The following PCDH15 variants were observed in gnomAD, a reference collection of about 807,000 sequenced individuals.
PCDH15 encodes the protein protocadherin-15.
PCDH15 carries 129 observed loss-of-function variants against 178.5 expected under a neutral mutation model. The observed-to-expected ratio is 0.72, with a 90% CI of 0.63 to 0.84. The LOEUF (loss-of-function observed/expected upper bound fraction) is 0.84, where lower values mean the gene tolerates loss of function less well. Among genes scored for constraint, PCDH15 ranks in the 40% least tolerant of loss-of-function variants. The pLI is 0.00. For synonymous variants in PCDH15, 800 were observed against 732.0 expected, an observed-to-expected ratio of 1.09 and a Z score of -1.50; for missense variants, 2,230 against 2,099.9, an observed-to-expected ratio of 1.06 and a Z score of -1.21.
At chr10:54,081,357 A>G (rs989719356) in intron 16 of PCDH15, among the ~76,000 whole-genome samples, 1 of 151,864 alleles carries the variant, frequency 6.6e-6, no homozygotes, top group African/African-American at 2.4e-5. Flanking sequence ...ATATAATACT[A>G]TATGTATTAT....
intron 25 of PCDH15, among the ~76,000 whole-genome samples, chr10:53,919,537 G>T (rs1410175174): frequency 1.3e-5 from 2 of 152,030 alleles, no homozygotes; most frequent in Admixed American, 6.6e-5. Flanking sequence ...ATTATTGATT[G>T]TCCACATTTT....
intron 20 of PCDH15, among the ~76,000 whole-genome samples, chr10:53,997,916 G>C (rs2091932333): frequency 6.6e-6 from 1 of 152,106 alleles, no homozygotes; most frequent in East Asian, 1.9e-4. Flanking sequence ...TTTCATTGTG[G>C]TTACAAAAGC....
chr10:55,617,654 A>G (rs1843506244), intron 2 of PCDH15, among the ~76,000 whole-genome samples: 1 of 152,054 alleles, frequency 6.6e-6, no homozygotes, highest in Non-Finnish European at 1.5e-5. Flanking sequence ...ACATTATCTT[A>G]GAGTGAAATC....
chr10:55,128,121 G>A (rs970320979), intron 2 of PCDH15, among the ~76,000 whole-genome samples: 5 of 151,888 alleles, frequency 3.3e-5, no homozygotes, highest in African/African-American at 9.7e-5. Flanking sequence ...ATGATCTAAC[G>A]CTGTCATACC....
In PCDH15 at chr10:54,795,817, C is replaced by T. The variant is rs560040933; in HGVS notation, c.-29+5108G>A. On this transcript the variant is annotated intron_variant, in intron 1 of 37. Transcript: ENST00000644397. Reference sequence around the variant, plus strand: ...TTTAACTTGACCTCTGATGCCTTGACCTCTGATGACAATGCTTTTGCTTTC... The same window carrying T: ...TTTAACTTGACCTCTGATGCCTTGATCTCTGATGACAATGCTTTTGCTTTC... 3.9e-5 allele frequency among the ~76,000 whole-genome samples: 6 copies of T among 151,942 alleles called. No individual in the cohort carries two copies. In the East Asian group the frequency reaches 9.7e-4, roughly 25 times the overall value.
At position 55,145,849 on chromosome 10, in the gene PCDH15, A is replaced by T. The variant is rs1438429559; in HGVS notation, c.-80+20727T>A. On this transcript the variant is annotated intron_variant, in intron 2 of 5. Coordinates refer to the PCDH15 transcript ENST00000458638. ...AAATCACTGCTTTTAAAAATAATCC[A>T]GTTAAGTACTTGTTCTTACAAACTC... Among the ~76,000 whole-genome samples, 3 of 147,520 alleles carry T rather than the reference A, an allele frequency of 2.0e-5. No individual in the cohort carries two copies. In the Admixed American group the frequency reaches 2.1e-4, roughly 10 times the overall value.
chr10:53,927,530 A>T (rs567237315), intron 25 of PCDH15, among the ~76,000 whole-genome samples: 1 of 152,282 alleles, frequency 6.6e-6, no homozygotes, highest in African/African-American at 2.4e-5. Context: ...TATATGGTTA[A>T]TTATAATGTG....
intron 11 of PCDH15, among the ~76,000 whole-genome samples, 175 bp downstream of exon 11, chr10:54,195,508 A>G (rs1169114227): frequency 6.6e-6 from 1 of 152,220 alleles, no homozygotes; most frequent in African/African-American, 2.4e-5. Flanking sequence ...TATTGAATTC[A>G]AAGATACTTT....
chr10:54,261,871 C>T (rs544246007), intron 8 of PCDH15, among the ~76,000 whole-genome samples: 4 of 152,172 alleles, frequency 2.6e-5, no homozygotes, highest in African/African-American at 4.8e-5. Context: ...TCCAGTAAAC[C>T]GTCACATTTT....
chr10:54,824,042 C>A (rs999975169), intron 3 of PCDH15, among the ~76,000 whole-genome samples: 1 of 152,142 alleles, frequency 6.6e-6, no homozygotes, highest in African/African-American at 2.4e-5. Context: ...AGCACAATCT[C>A]TTTATTGTTC....
chr10:55,260,441 C>T (rs773491919), intron 1 of PCDH15, among the ~76,000 whole-genome samples: 20 of 151,982 alleles, frequency 1.3e-4, no homozygotes, highest in African/African-American at 2.9e-4. Flanking sequence ...ACATTATTTT[C>T]GAGAAGAAAT....
intron 2 of PCDH15, among the ~76,000 whole-genome samples, chr10:55,123,372 A>G (rs1422981614): frequency 3.9e-5 from 6 of 152,124 alleles, no homozygotes; most frequent in Admixed American, 3.9e-4. Context: ...CTCTAATATA[A>G]AAACAAAATT....
intron 2 of PCDH15, among the ~76,000 whole-genome samples, chr10:54,577,755 C>T (rs562317548): frequency 1.3e-5 from 2 of 152,094 alleles, no homozygotes; most frequent in Admixed American, 6.5e-5. Context: ...ATAAAACCAT[C>T]TCCTGGAGGC....
At chr10:54,864,535 A>C (rs773442309) in intron 3 of PCDH15, 1 of 152,188 alleles carries the variant, frequency 6.6e-6, no homozygotes, top group Non-Finnish European at 1.5e-5. Flanking sequence ...AATTATCCTG[A>C]AACTTAGTGG....
chr10:54,550,804 T>C (rs144378424), intron 2 of PCDH15, among the ~76,000 whole-genome samples: 1 of 152,246 alleles, frequency 6.6e-6, no homozygotes, highest in East Asian at 1.9e-4. Flanking sequence ...CATTCAATAT[T>C]TGTTGGATGA....
At chr10:54,797,197 C>T (rs1184762281) in intron 1 of PCDH15, among the ~76,000 whole-genome samples, 4 of 151,976 alleles carry the variant, frequency 2.6e-5, no homozygotes, top group African/African-American at 9.7e-5. Flanking sequence ...CCTGAGAATG[C>T]TTACACTCTA....
chr10:55,627,259 A>G (rs2132178553), intron 2 of PCDH15, among the ~76,000 whole-genome samples: 1 of 152,090 alleles, frequency 6.6e-6, no homozygotes, highest in African/African-American at 2.4e-5. Context: ...CTGAGCTGCT[A>G]CTGCAGTTGT....
chr10:55,605,426 G>T (rs975990406), intron 2 of PCDH15, among the ~76,000 whole-genome samples: 1 of 150,642 alleles, frequency 6.6e-6, no homozygotes, highest in African/African-American at 2.4e-5. Flanking sequence ...TACCAAAGCC[G>T]GGCAGAGACA....
chr10:54,425,370 T>A (rs545376708), intron 3 of PCDH15, among the ~76,000 whole-genome samples: 1 of 152,196 alleles, frequency 6.6e-6, no homozygotes, highest in African/African-American at 2.4e-5. Context: ...CCTCTCGCCA[T>A]ATGATACCCT....
Sources: gnomAD v4.1 joint callset for allele counts (sites outside exome capture counted in the v4.1 genomes callset) on GRCh38, gnomAD v4.1.1 for gene constraint, MANE v1.5 for transcripts, NCBI Gene and HGNC (gene_info 2026-07-23, HGNC 2026-07-21) for gene names.